Variants in CALN1 observed in about 807,000 individuals in gnomAD.
CALN1 encodes the protein calneuron 1, also known as calcium-binding protein 8.
CALN1 carries 17 observed loss-of-function variants against 30.6 expected under a neutral mutation model. The ratio of observed to expected loss-of-function variants is 0.56; its 90% CI spans 0.38 to 0.83. The LOEUF (loss-of-function observed/expected upper bound fraction) is 0.83. Ranked by LOEUF, CALN1 falls within the 40% of genes least tolerant of loss-of-function variation. CALN1 has a pLI of 0.00. For missense variants in CALN1, 291 were observed against 354.9 expected, an observed-to-expected ratio of 0.82 and a Z score of 1.45; for synonymous variants, 156 against 131.4, an observed-to-expected ratio of 1.19 and a Z score of -1.28.
In CALN1 at chr7:72,037,529, T is replaced by C. The variant is rs114969928; in HGVS notation, c.389-13760A>G. 4.6e-3 allele frequency among the ~76,000 whole-genome samples: 708 copies of C among 152,332 alleles called. 6 individuals carry two copies. Among genetic ancestry groups the C allele is most frequent in the African/African-American group, 0.016 (674 of 41,566 alleles). ...TAAATAAAATGTAAAGACTAAACAA[T>C]GAATTCAGTTGTTTGTATCCAGCCA... On this transcript the variant is annotated intron_variant, in intron 4 of 6. Transcript: ENST00000395275.
At chr7:72,482,325 C>T in the CALN1 span, among the ~76,000 whole-genome samples, 1 of 152,018 alleles carries the variant, frequency 6.6e-6, no homozygotes, top group African/African-American at 2.4e-5. Context: ...AATGCTTTGC[C>T]TTTTTATTAG....
chr7:72,392,949 T>C (rs965832983), intron 2 of CALN1, among the ~76,000 whole-genome samples: 1 of 151,904 alleles, frequency 6.6e-6, no homozygotes, highest in African/African-American at 2.4e-5. Flanking sequence ...CAATGAGCTA[T>C]GATCTCACCA....
intron 3 of CALN1, among the ~76,000 whole-genome samples, chr7:72,200,635 C>T (rs1369909430): frequency 6.6e-6 from 1 of 151,964 alleles, no homozygotes; most frequent in African/African-American, 2.4e-5. Flanking sequence ...TACCAGTGCA[C>T]CATGCTATGC....
intron 5 of CALN1, among the ~76,000 whole-genome samples, chr7:71,855,178 T>C (rs1235980417): frequency 6.6e-6 from 1 of 152,198 alleles, no homozygotes; most frequent in Admixed American, 6.5e-5. Context: ...ATATGCATTC[T>C]AGCGTCGTTC....
At chr7:72,239,709 A>C (rs1341432276) in intron 3 of CALN1, among the ~76,000 whole-genome samples, 1 of 151,778 alleles carries the variant, frequency 6.6e-6, no homozygotes, top group African/African-American at 2.4e-5. Flanking sequence ...AAAAATGTGG[A>C]TTTTCTAATG....
intron 5 of CALN1, among the ~76,000 whole-genome samples, chr7:71,894,720 C>A (rs1793441123): frequency 6.6e-6 from 1 of 152,140 alleles, no homozygotes. Flanking sequence ...AAAAGAAAAA[C>A]CCGTAGTGTT....
At chr7:72,375,508 G>A (rs758179379) in intron 2 of CALN1, among the ~76,000 whole-genome samples, 1 of 150,450 alleles carries the variant, frequency 6.6e-6, no homozygotes, top group Non-Finnish European at 1.5e-5. Flanking sequence ...CGAGGCTGCA[G>A]TGAGCTGTGA....
At chr7:71,826,631 G>A (rs949453622) in intron 5 of CALN1, among the ~76,000 whole-genome samples, 6 of 152,160 alleles carry the variant, frequency 3.9e-5, no homozygotes, top group Admixed American at 1.3e-4. Context: ...GGAGGGGACA[G>A]GGGACCTTGA....
At chr7:72,391,159 A>C (rs1805554420) in intron 2 of CALN1, among the ~76,000 whole-genome samples, 1 of 152,138 alleles carries the variant, frequency 6.6e-6, no homozygotes, top group Admixed American at 6.5e-5. Context: ...CCCACCTCCC[A>C]ACCGCAGAGG....
chr7:72,011,883 C>T (rs1442889420), intron 5 of CALN1, among the ~76,000 whole-genome samples: 3 of 152,140 alleles, frequency 2.0e-5, no homozygotes, highest in Admixed American at 1.3e-4. Flanking sequence ...TCAAACAGTT[C>T]TCAGCCTCTC....
upstream of CALN1, among the ~76,000 whole-genome samples, chr7:72,414,696 T>C (rs1046737998): frequency 6.6e-6 from 1 of 152,222 alleles, no homozygotes; most frequent in African/African-American, 2.4e-5. Flanking sequence ...TGGGGGAACA[T>C]GAGCTCTGTA....
At chr7:72,110,658 T>G (rs572395993) in intron 3 of CALN1, among the ~76,000 whole-genome samples, 1 of 131,788 alleles carries the variant, frequency 7.6e-6, no homozygotes, top group South Asian at 2.1e-4. Context: ...CTCACTAACT[T>G]TTTTTTTTTT....
intron 2 of CALN1, among the ~76,000 whole-genome samples, chr7:72,340,197 C>CT (rs1304590324): frequency 6.6e-6 from 1 of 152,184 alleles, no homozygotes; most frequent in African/African-American, 2.4e-5. Context: ...TTAGACAAAG[C>CT]TTTACCTCCT....
chr7:72,378,943 A>G (rs987462703), intron 2 of CALN1, among the ~76,000 whole-genome samples: 7 of 152,168 alleles, frequency 4.6e-5, no homozygotes, highest in Non-Finnish European at 1.5e-5. Flanking sequence ...CTTTTTCCGC[A>G]TCTAACAAGA....
chr7:71,801,218 T>C (rs1300654307), intron 6 of CALN1, among the ~76,000 whole-genome samples: 1 of 152,092 alleles, frequency 6.6e-6, no homozygotes, highest in African/African-American at 2.4e-5. Flanking sequence ...AAAATTCTTT[T>C]TATAAAAACA....
chr7:72,435,158 C>T (rs535408229), intron 1 of CALN1, among the ~76,000 whole-genome samples: 63 of 151,484 alleles, frequency 4.2e-4, no homozygotes, highest in Non-Finnish European at 8.4e-4. Flanking sequence ...TCACTTGAGC[C>T]TAGGAATTCG....
chr7:72,137,888 T>TGA (rs957357775), intron 3 of CALN1, among the ~76,000 whole-genome samples: 10 of 151,934 alleles, frequency 6.6e-5, no homozygotes, highest in Non-Finnish European at 5.9e-5. Context: ...CATATCTATT[T>TGA]GAGAGAGAGA....
intron 5 of CALN1, among the ~76,000 whole-genome samples, chr7:71,898,707 C>T (rs1562882870): frequency 6.6e-6 from 1 of 152,072 alleles, no homozygotes; most frequent in African/African-American, 2.4e-5. Flanking sequence ...AAAGACATAG[C>T]AAAAACCTCC....
intron 5 of CALN1, among the ~76,000 whole-genome samples, chr7:71,962,698 G>A (rs529404091): frequency 6.6e-6 from 1 of 152,300 alleles, no homozygotes; most frequent in South Asian, 2.1e-4. Flanking sequence ...GCCGTGAGGA[G>A]AAGATTTCTC....
Sources: allele counts gnomAD v4.1 joint callset (sites outside exome capture counted in the v4.1 genomes callset), GRCh38; gene constraint gnomAD v4.1.1; transcripts MANE v1.5; gene names NCBI Gene and HGNC (gene_info 2026-07-23, HGNC 2026-07-21).